Variants in SPTBN4 observed in about 807,000 individuals in gnomAD.
The protein encoded by SPTBN4 is spectrin beta, non-erythrocytic 4.
SPTBN4 carries 96 observed loss-of-function variants against 277.8 expected under a neutral mutation model. The ratio of observed to expected loss-of-function variants is 0.35; its 90% CI spans 0.29 to 0.41. The LOEUF is 0.41. Among genes scored for constraint, SPTBN4 ranks in the 10% least tolerant of loss-of-function variants. The probability of loss-of-function intolerance (pLI) is 1.00; values close to 1 mark genes in which losing one functional copy is unlikely to be tolerated. For missense variants in SPTBN4, 3,006 were observed against 3,595.7 expected (o/e 0.84, Z 4.19); for synonymous variants, 1,481 against 1,580.3 (o/e 0.94, Z 1.49).
intron 2 of SPTBN4, among the ~76,000 whole-genome samples, chr19:40,475,644 T>C (rs1440141303): frequency 6.6e-6 from 1 of 151,686 alleles, no homozygotes; most frequent in Non-Finnish European, 1.5e-5. Flanking sequence ...GTATTTTTAA[T>C]TGAGGCGGGG....
chr19:40,497,827 C>T (rs2080217489), intron 7 of SPTBN4, among the ~76,000 whole-genome samples: 1 of 151,764 alleles, frequency 6.6e-6, no homozygotes, highest in Non-Finnish European at 1.5e-5. Flanking sequence ...ACCTCTTCCT[C>T]TCTCATCCCC....
At chr19:40,513,584 C>T in intron 14 of SPTBN4, 30 bp downstream of exon 14, 1 of 1,501,660 alleles carries the variant, frequency 6.7e-7, no homozygotes, top group South Asian at 1.2e-5. Flanking sequence ...ACTCCGGGGT[C>T]CCCTTCCTCA....
At chr19:40,532,884 C>A in intron 19 of SPTBN4, 113 bp downstream of exon 19, 1 of 1,315,914 alleles carries the variant, frequency 7.6e-7, no homozygotes, top group Non-Finnish European at 1.0e-6. Context: ...CACCTCTGGA[C>A]TGACTCAAAT....
Position 40,519,471 on chromosome 19 carries a change from C to T in SPTBN4, c.2974C>T (p.His992Tyr), listed in dbSNP as rs2080497665. The T allele has an allele frequency of 1.9e-6, 3 of 1,607,398 alleles. No homozygotes were observed. The highest frequency in any genetic ancestry group is 2.5e-6 in the Non-Finnish European group (3 of 1,177,982). The change falls in exon 16 of 36, where the codon CAC becomes TAC. Residue 992 changes from histidine to tyrosine, a missense_variant. By Grantham distance (83) the His-to-Tyr change is moderately conservative. Coordinates refer to ENST00000598249, the MANE Select transcript of SPTBN4 (RefSeq NM_020971.3). This position sits in a 1 kb window ranked among gnomAD's most constrained non-coding sequence, Gnocchi z 5.7. ...EMSAVLLVENHVLEVAEVRAQ... is the reference protein window; with the variant it reads ...EMSAVLLVENYVLEVAEVRAQ... ...GAGCGCGGTGCTGCTGGTGGAGAAC[C>T]ACGTGCTGGAGGTGGCCGAGGTGCG... is the stretch of plus-strand genomic sequence containing the variant.
At chr19:40,550,902 C>T (rs534840538) in intron 22 of SPTBN4, among the ~76,000 whole-genome samples, 1 of 152,316 alleles carries the variant, frequency 6.6e-6, no homozygotes, top group Admixed American at 6.5e-5. Flanking sequence ...TCAGGTTTAC[C>T]TCCCACCAGC....
chr19:40,569,305 G>A (rs2081126693), intron 31 of SPTBN4, among the ~76,000 whole-genome samples: 1 of 151,698 alleles, frequency 6.6e-6, no homozygotes, highest in Admixed American at 6.6e-5. Context: ...CACGCCTGTA[G>A]TACCAGCTAC....
chr19:40,533,509 A>G lies in SPTBN4; in HGVS notation c.4096-571A>G, dbSNP rs144289991. 5.8e-4 allele frequency among the ~76,000 whole-genome samples: 89 copies of G among 152,252 alleles called. 2 individuals carry two copies. In the Middle Eastern group the frequency reaches 0.01, roughly 17 times the overall value. On this transcript the variant is annotated intron_variant, in intron 19 of 35. Coordinates refer to ENST00000598249, the MANE Select transcript of SPTBN4 (RefSeq NM_020971.3). The stretch of plus-strand genomic sequence containing the variant: ...CCCCTAGACCTGTAGCCCTGGATAT[A>G]CACACTTTTCTGACTCACACAGAGA...
At chr19:40,544,597 G>T (rs2080839583) in intron 20 of SPTBN4, among the ~76,000 whole-genome samples, 1 of 151,432 alleles carries the variant, frequency 6.6e-6, no homozygotes, top group Non-Finnish European at 1.5e-5. Context: ...ACAGGTGTCT[G>T]CCATCACGCC....
chr19:40,491,428 G>T (rs2080134177), intron 4 of SPTBN4, among the ~76,000 whole-genome samples: 1 of 151,904 alleles, frequency 6.6e-6, no homozygotes, highest in Non-Finnish European at 1.5e-5. Context: ...TCAAGGGGAG[G>T]TGCATACAAG....
At chr19:40,520,225 C>A (rs1373397245) in intron 16 of SPTBN4, 74 bp downstream of exon 16, 4 of 699,748 alleles carry the variant, frequency 5.7e-6, no homozygotes, top group Non-Finnish European at 5.3e-6. Context: ...CAGGGACATG[C>A]GGGGGTGGGG....
chr19:40,530,059 C>T (rs62107058), intron 18 of SPTBN4, among the ~76,000 whole-genome samples: 20,326 of 152,146 alleles, frequency 0.13, 1,595 homozygotes, highest in Non-Finnish European at 0.18. Flanking sequence ...CTGGAGGAAC[C>T]CCCTGTTCCC....
chr19:40,575,316 CTG>C lies in SPTBN4; in HGVS notation c.7537-94_7537-93del, dbSNP rs1160834855. 1.0e-5 allele frequency: 14 copies of C among 1,403,672 alleles called. No homozygotes were observed. In the African/African-American group the frequency reaches 1.9e-4, roughly 19 times the overall value. The allele number at this position is 1,403,672 out of a possible 1,614,324, so 87.0% of individuals were successfully genotyped here. A position where few individuals can be genotyped will look rare whatever the true frequency, so the allele number is the denominator to read the frequency against. ...CATCCCTTTTTAATAGATGAGAAAA[CTG>C]AATTTCAGAGAGGGTAGTCTGATCT... On this transcript the variant is annotated intron_variant, in intron 35 of 35. Coordinates refer to ENST00000598249, the MANE Select transcript of SPTBN4 (RefSeq NM_020971.3).
Position 40,513,089 on chromosome 19 carries a change from G to A in SPTBN4, c.2300G>A (p.Arg767Gln), listed in dbSNP as rs2080412102. ...GAAGAGGCGGCGGCGCGGCGAGAGC[G>A]GCGGCTGCAGGAGGCGCGGGCGCTG... ...RLEEAAARRE[R>Q]RLQEARALHQ... Residue 767 changes from arginine to glutamine, a missense_variant, in exon 14 of 36, where the codon CGG becomes CAG. By Grantham distance (43) the Arg-to-Gln change is conservative. Transcript: ENST00000598249. 7.1e-7 allele frequency: 1 copy of A among 1,418,254 alleles called. No homozygotes were observed. Among genetic ancestry groups the A allele is most frequent in the African/African-American group, 1.5e-5 (1 of 66,402 alleles). 87.9% of individuals were successfully genotyped at this position (1,418,254 alleles called of 1,614,324 possible). A position where few individuals can be genotyped will look rare whatever the true frequency, so the allele number is the denominator to read the frequency against.
intron 18 of SPTBN4, chr19:40,530,532 G>C: frequency 1.0e-6 from 1 of 980,600 alleles, no homozygotes; most frequent in Non-Finnish European, 1.2e-6. Flanking sequence ...TCGCAGTTGA[G>C]GGGCGAGCAC....
chr19:40,476,257 A>G (rs538244686), intron 2 of SPTBN4, among the ~76,000 whole-genome samples: 1 of 151,286 alleles, frequency 6.6e-6, no homozygotes, highest in Non-Finnish European at 1.5e-5. Flanking sequence ...AGGCAGGAGA[A>G]TCGCCTGAAC....
chr19:40,569,681 G>A lies in SPTBN4; in HGVS notation c.6981G>A (p.Val2327=), dbSNP rs1355542165. Residue 2327 remains valine, a synonymous_variant, in exon 32 of 36, where the codon GTG becomes GTA. Transcript: ENST00000598249. The part of the protein sequence containing the change: ...VKGKATLADI[V]EQLQEKEAGP... Reference sequence around the variant, plus strand: ...GGAAGGCCACCCTGGCTGACATTGTGGAACAGCTGCAGGAGAAAGAGGCAG... The same window carrying A: ...GGAAGGCCACCCTGGCTGACATTGTAGAACAGCTGCAGGAGAAAGAGGCAG... The A allele has an allele frequency of 6.2e-7, 1 of 1,612,828 alleles. No homozygotes were observed. The highest frequency in any genetic ancestry group is 8.5e-7 in the Non-Finnish European group (1 of 1,179,512).
In SPTBN4 at chr19:40,506,387, G is replaced by T; in HGVS notation, c.1816+1G>T. Reference sequence around the variant, plus strand: ...GCCCTGCGCTTCTCCCAGCTGCAGGGTGAGTCTTGGGGCTGGGGCTGGGGC... The same window carrying T: ...GCCCTGCGCTTCTCCCAGCTGCAGGTTGAGTCTTGGGGCTGGGGCTGGGGC... On this transcript the variant is annotated splice_donor_variant, in intron 13 of 35. Transcript: ENST00000598249. LOFTEE classifies it high-confidence loss of function. 1 of 1,610,716 alleles carries T rather than the reference G, an allele frequency of 6.2e-7. No individual in the cohort carries two copies. The highest frequency in any genetic ancestry group is 8.5e-7 in the Non-Finnish European group (1 of 1,177,812).
At chr19:40,496,045 T>A (rs1247601201) in intron 6 of SPTBN4, among the ~76,000 whole-genome samples, 1 of 152,210 alleles carries the variant, frequency 6.6e-6, no homozygotes, top group Non-Finnish European at 1.5e-5. Context: ...ATTCGCTCAG[T>A]GTTTTCTATG....
chr19:40,508,665 G>C (rs2080356807), intron 13 of SPTBN4, among the ~76,000 whole-genome samples: 1 of 152,150 alleles, frequency 6.6e-6, no homozygotes, highest in Non-Finnish European at 1.5e-5. Flanking sequence ...ACCAGCCTGG[G>C]CAACAGAGCG....
Sources: gnomAD v4.1 joint callset for allele counts (sites outside exome capture counted in the v4.1 genomes callset) on GRCh38, gnomAD v4.1.1 for gene constraint, Gnocchi (gnomAD v3.1) non-coding constraint, MANE v1.5 for transcripts, NCBI Gene and HGNC (gene_info 2026-07-23, HGNC 2026-07-21) for gene names.